Variants in CDHR5 observed in about 807,000 individuals in gnomAD.
CDHR5 encodes cadherin related family member 5.
CDHR5 carries 82 observed loss-of-function variants against 69.5 expected under a neutral mutation model. That is an observed-to-expected ratio of 1.18 (90% CI 0.99 to 1.42). The LOEUF (loss-of-function observed/expected upper bound fraction) is 1.42. Among genes scored for constraint, CDHR5 ranks in the 40% most tolerant of loss-of-function variants. CDHR5 has a pLI of 0.00. For missense variants in CDHR5, 1,293 were observed against 1,168.9 expected (o/e 1.11, Z -1.55); for synonymous variants, 601 against 510.2 (o/e 1.18, Z -2.40).
chr11:617,897 C>T (rs962400345), intron 14 of CDHR5, 57 bp downstream of exon 14: 10 of 1,571,776 alleles, frequency 6.4e-6, no homozygotes, highest in East Asian at 4.5e-5. Context: ...CCTCTCCTGT[C>T]CCCCGTCCCC....
intron 9 of CDHR5, 50 bp from the exon 10 acceptor site, chr11:619,931 G>A (rs1206203677): frequency 1.4e-6 from 2 of 1,468,292 alleles, no homozygotes; most frequent in South Asian, 2.6e-5. Flanking sequence ...GGTGGAGCTG[G>A]CGCTGAAGGC....
In CDHR5 at chr11:618,806, T is replaced by C. The variant is rs146283589; in HGVS notation, c.1753A>G (p.Ser585Gly). Residue 585 changes from serine to glycine, a missense_variant, in exon 13 of 15, where the codon AGT becomes GGT. Physicochemically the swap from Ser to Gly is moderately conservative, Grantham distance 56. Transcript: ENST00000397542. Reference sequence around the variant, plus strand: ...TGGTGGGAGGTGCTGGTTCCCATACTGGGGGGCATCGGCTGAGAGGTTCCT... The same window carrying C: ...TGGTGGGAGGTGCTGGTTCCCATACCGGGGGGCATCGGCTGAGAGGTTCCT... The part of the protein sequence containing the change: ...EPGTSQPMPP[S>G]MGTSTSHQPA... 76 of 1,574,354 alleles carry C rather than the reference T, an allele frequency of 4.8e-5. No homozygotes were observed. The highest frequency in any genetic ancestry group is 3.7e-4 in the African/African-American group (24 of 64,788).
Position 617,746 on chromosome 11 carries a change from T to C in CDHR5, c.2143A>G (p.Asn715Asp). Residue 715 changes from asparagine to aspartate, a missense_variant, in exon 15 of 15, where the codon AAC becomes GAC. Transcript: ENST00000397542. ...APEPQPQGFD[N>D]QAFLPDHKAN... ...TTGTGGTCAGGGAGGAACGCCTGGTTGTCAAAGCCTTGGGGCTGGGGCTCC... is the reference window on the plus strand; with the variant it reads ...TTGTGGTCAGGGAGGAACGCCTGGTCGTCAAAGCCTTGGGGCTGGGGCTCC... 6.9e-7 allele frequency: 1 copy of C among 1,457,016 alleles called. No homozygotes were observed. The highest frequency in any genetic ancestry group is 9.0e-7 in the Non-Finnish European group (1 of 1,112,266). 90.3% of individuals were successfully genotyped at this position (1,457,016 alleles called of 1,614,324 possible). A position where few individuals can be genotyped will look rare whatever the true frequency, so the allele number is the denominator to read the frequency against.
rs760663910 is a variant in CDHR5 at position 617,569 on chromosome 11, C to A, written c.2320G>T (p.Val774Leu). ...CGCTCCTTGGTCAGGATGGACCTCA[C>A]CGCCGTGGGGCTTCCGCCAGCTCGG... ...AARAGGSPTA[V>L]RSILTKERRP... Residue 774 changes from valine (V) to leucine (L), a missense_variant, in exon 15 of 15, where the codon GTG becomes TTG. Coordinates refer to ENST00000397542, the MANE Select transcript of CDHR5 (RefSeq NM_021924.5). 2 of 1,611,716 alleles carry A rather than the reference C, an allele frequency of 1.2e-6. No homozygotes were observed. Among genetic ancestry groups the A allele is most frequent in the Non-Finnish European group, 1.7e-6 (2 of 1,179,398 alleles).
rs984559114 is a variant in CDHR5 at position 617,246 on chromosome 11, A to C, written c.*105T>G. ...TGGACCCGCGCGCCTGCCCCACGCC[A>C]TGGCCTGGGTTTCGGGAGCCTTGCT... is the stretch of plus-strand genomic sequence containing the variant. On this transcript the variant is annotated 3_prime_UTR_variant, in exon 15 of 15. Transcript: ENST00000397542. The C allele has an allele frequency of 2.6e-4, 240 of 921,618 alleles. 4 individuals carry two copies. The highest frequency in any genetic ancestry group is 1.1e-3 in the South Asian group (70 of 60,942). The allele number at this position is 921,618 out of a possible 1,614,324, so 57.1% of individuals were successfully genotyped here.
chr11:617,014 A>G lies in CDHR5; in HGVS notation c.*337T>C. On this transcript the variant is annotated 3_prime_UTR_variant, in exon 15 of 15. Transcript: ENST00000397542. ...TCTCCGGTGCAGGTCGGGGGAGGGGAGCCCCCCTCGGGCTGTGGTTAGAGC... is the reference window on the plus strand; with the variant it reads ...TCTCCGGTGCAGGTCGGGGGAGGGGGGCCCCCCTCGGGCTGTGGTTAGAGC... 2 of 323,494 alleles carry G rather than the reference A, an allele frequency of 6.2e-6. No individual in the cohort carries two copies. The highest frequency in any genetic ancestry group is 4.9e-5 in the Admixed American group (1 of 20,254). The allele number at this position is 323,494 out of a possible 1,614,324, so 20.0% of individuals were successfully genotyped here.
At chr11:620,260 G>C (rs1337042642) in intron 8 of CDHR5, 36 bp downstream of exon 8, 13 of 1,587,518 alleles carry the variant, frequency 8.2e-6, no homozygotes, top group Non-Finnish European at 1.1e-5. Context: ...GGACAGAGGG[G>C]GTACAGGGCA....
rs1856955495 is a variant in CDHR5, at chr11:617,150, C to T, written c.*201G>A. The T allele has an allele frequency of 1.7e-6, 1 of 590,038 alleles. No homozygotes were observed. The allele number at this position is 590,038 out of a possible 1,614,324, so 36.6% of individuals were successfully genotyped here. A position where few individuals can be genotyped will look rare whatever the true frequency, so the allele number is the denominator to read the frequency against. On this transcript the variant is annotated 3_prime_UTR_variant, in exon 15 of 15. Coordinates refer to ENST00000397542, the MANE Select transcript of CDHR5 (RefSeq NM_021924.5). ...TTGGGGTGGGGACAGCGTGGCCAGA[C>T]CCACCGCCTCATCTGCACACCTGGG... is the stretch of plus-strand genomic sequence containing the variant.
chr11:623,929 C>T (rs916828319), intron 3 of CDHR5, among the ~76,000 whole-genome samples: 5 of 151,958 alleles, frequency 3.3e-5, no homozygotes, highest in Non-Finnish European at 7.4e-5. Context: ...CCAAGGTGGT[C>T]CCCGTGACTG....
At chr11:620,832 C>T (rs1339796759) in intron 7 of CDHR5, among the ~76,000 whole-genome samples, 4 of 152,148 alleles carry the variant, frequency 2.6e-5, no homozygotes, top group African/African-American at 9.7e-5. Context: ...GCCCACCTCC[C>T]CAGGCCCCTG....
Position 617,414 on chromosome 11 carries a change from GC to G in CDHR5, c.2474del (p.Gly825AlafsTer48). 1 of 1,611,444 alleles carries G rather than the reference GC, an allele frequency of 6.2e-7. No homozygotes were observed. The highest frequency in any genetic ancestry group is 1.3e-5 in the African/African-American group (1 of 74,990). ...GACCCCCACCCCTCCCCGCGCCCTCGCCCTCATCGCCGCTGCCGGAGTCACT... is the reference window on the plus strand; with the variant it reads ...GACCCCCACCCCTCCCCGCGCCCTCGCCTCATCGCCGCTGCCGGAGTCACT... ...GASDSGSGDE[G>X]EGAGRGGGPY... On this transcript the variant is annotated frameshift_variant, in exon 15 of 15. Transcript: ENST00000397542. LOFTEE classifies it low-confidence loss of function (END_TRUNC).
chr11:617,220 A>G lies in CDHR5; in HGVS notation c.*131T>C, dbSNP rs942060249. ...AGGGGACTGAGTGAATGGGACCCCC[A>G]TGGACCCGCGCGCCTGCCCCACGCC... On this transcript the variant is annotated 3_prime_UTR_variant, in exon 15 of 15. Coordinates refer to ENST00000397542, the MANE Select transcript of CDHR5 (RefSeq NM_021924.5). 6 of 694,190 alleles carry G rather than the reference A, an allele frequency of 8.6e-6. No individual in the cohort carries two copies. The highest frequency in any genetic ancestry group is 1.9e-5 in the South Asian group (1 of 53,696). The allele number at this position is 694,190 out of a possible 1,614,324, so 43.0% of individuals were successfully genotyped here.
chr11:618,679 G>A lies in CDHR5; in HGVS notation c.1880C>T (p.Thr627Ile). 9 of 1,592,124 alleles carry A rather than the reference G, an allele frequency of 5.7e-6. No homozygotes were observed. The highest frequency in any genetic ancestry group is 7.7e-6 in the Non-Finnish European group (9 of 1,167,618). ...MGTSTSHQPT[T>I]PGGGTAQTPE... ...GGTCTGTGCTGTGCCCCCACCGGGT[G>A]TGGTTGGTTGGTGGGAGGTGCTGGT... is the stretch of plus-strand genomic sequence containing the variant. Residue 627 changes from threonine to isoleucine, a missense_variant, in exon 13 of 15, where the codon ACA (threonine) becomes ATA (isoleucine). Physicochemically the swap from Thr to Ile is moderately conservative, Grantham distance 89 (BLOSUM62 -1). Coordinates refer to ENST00000397542, the MANE Select transcript of CDHR5 (RefSeq NM_021924.5).
Position 621,383 on chromosome 11 carries a change from A to G in CDHR5, c.580T>C (p.Tyr194His). The change falls in exon 6 of 15, where the codon TAC (tyrosine) becomes CAC (histidine). Residue 194 changes from tyrosine (Y) to histidine (H), a missense_variant. By Grantham distance (83) the Tyr-to-His change is moderately conservative. Transcript: ENST00000397542. This position sits in a 1 kb window ranked among gnomAD's most constrained non-coding sequence, Gnocchi z 4.4. ...CAGAAGGTCATGTTCGGCCGCTCGT[A>G]GAAGTCCAGGGGCCGGTCCAGCCTC... is the stretch of plus-strand genomic sequence containing the variant. ...ALRLDRPLDF[Y>H]ERPNMTFWLL... is the part of the protein sequence containing the mutation. The G allele has an allele frequency of 1.2e-6, 2 of 1,613,242 alleles. No individual in the cohort carries two copies. Among genetic ancestry groups the G allele is most frequent in the Non-Finnish European group, 1.7e-6 (2 of 1,180,000 alleles).
rs1564890437 is a variant in CDHR5 at position 617,402 on chromosome 11, CCCCGCG to C, written c.2481_2486del (p.Ala828_Gly829del). On this transcript the variant is annotated inframe_deletion, in exon 15 of 15. Coordinates refer to ENST00000397542, the MANE Select transcript of CDHR5 (RefSeq NM_021924.5). ...GCGCATCGTAGGGACCCCCACCCCT[CCCCGCG>C]CCCTCGCCCTCATCGCCGCTGCCGG... 6.0e-5 allele frequency: 97 copies of C among 1,609,916 alleles called. No individual in the cohort carries two copies. The highest frequency in any genetic ancestry group is 7.6e-5 in the Non-Finnish European group (90 of 1,178,492).
Position 621,666 on chromosome 11 carries a change from G to A in CDHR5, c.406-3C>T. The A allele has an allele frequency of 5.6e-6, 9 of 1,609,210 alleles. No individual in the cohort carries two copies. Among genetic ancestry groups the A allele is most frequent in the Non-Finnish European group, 7.7e-6 (9 of 1,175,822 alleles). On this transcript the variant is annotated splice_polypyrimidine_tract_variant and splice_region_variant and intron_variant, in intron 4 of 14. Transcript: ENST00000397542. This position sits in a 1 kb window ranked among gnomAD's most constrained non-coding sequence, Gnocchi z 4.4. ...ACGGTGGAGTTCACTTTCGTGTCCT[G>A]GGGAGGGAGAGGGGCTTGGTCCGGC...
rs765845230 is a variant in CDHR5, at chr11:621,461, G to A, written c.508-6C>T. 12 of 1,609,256 alleles carry A rather than the reference G, an allele frequency of 7.5e-6. No homozygotes were observed. In the Admixed American group the frequency reaches 2.0e-4, roughly 27 times the overall value. On this transcript the variant is annotated splice_region_variant and splice_polypyrimidine_tract_variant and intron_variant, in intron 5 of 14. Transcript: ENST00000397542. This position sits in a 1 kb window ranked among gnomAD's most constrained non-coding sequence, Gnocchi z 4.4. ...GAGAAGTAGTCACTGGCACCCTGGG[G>A]AGGGTCAGGGAGGACAGAGCCTAAG...
rs962001064 is a variant in CDHR5 at position 616,587 on chromosome 11, G to A, written c.*764C>T. 1 of 152,342 alleles carries A rather than the reference G, an allele frequency of 6.6e-6. No individual in the cohort carries two copies. The highest frequency in any genetic ancestry group is 2.4e-5 in the African/African-American group (1 of 41,470). 9.4% of individuals were successfully genotyped at this position (152,342 alleles called of 1,614,324 possible). A position where few individuals can be genotyped will look rare whatever the true frequency, so the allele number is the denominator to read the frequency against. ...GATACTCTCACAATTAAAACATTTG[G>A]AAAGGAATTAATGGTGTATTTCCAT... On this transcript the variant is annotated 3_prime_UTR_variant, in exon 15 of 15. Coordinates refer to ENST00000397542, the MANE Select transcript of CDHR5 (RefSeq NM_021924.5).
chr11:621,014 GGCC>G lies in CDHR5; in HGVS notation c.789+63_789+65del. The G allele has an allele frequency of 8.7e-7, 1 of 1,144,434 alleles. No homozygotes were observed. Among genetic ancestry groups the G allele is most frequent in the East Asian group, 2.5e-5 (1 of 39,446 alleles). The allele number at this position is 1,144,434 out of a possible 1,614,324, so 70.9% of individuals were successfully genotyped here. A position where few individuals can be genotyped will look rare whatever the true frequency, so the allele number is the denominator to read the frequency against. ...ACCCCGCCCTTCCTCTCCTGATCCT[GGCC>G]GTCCCTGTGTCCAGCCTGCCTAGAA... On this transcript the variant is annotated intron_variant, in intron 7 of 14. Coordinates refer to ENST00000397542, the MANE Select transcript of CDHR5 (RefSeq NM_021924.5). This position sits in a 1 kb window ranked among gnomAD's most constrained non-coding sequence, Gnocchi z 4.4.
Sources: gnomAD v4.1 joint callset for allele counts (sites outside exome capture counted in the v4.1 genomes callset) on GRCh38, gnomAD v4.1.1 for gene constraint, Gnocchi (gnomAD v3.1) non-coding constraint, MANE v1.5 for transcripts, NCBI Gene and HGNC (gene_info 2026-07-23, HGNC 2026-07-21) for gene names.